Variants in ENPEP observed in about 807,000 individuals in gnomAD.
ENPEP encodes AP-A.
A neutral mutation model predicts 114.5 loss-of-function variants in ENPEP; 103 were observed. The observed-to-expected ratio is 0.90, with a 90% CI of 0.77 to 1.06. The LOEUF (loss-of-function observed/expected upper bound fraction) is 1.06. ENPEP is among the 50% of genes least tolerant of loss of function. ENPEP has a pLI of 0.00. For missense variants in ENPEP, 1,196 were observed against 1,161.3 expected (o/e 1.03, Z -0.43); for synonymous variants, 420 against 422.0 (o/e 1.00, Z 0.06).
intron 6 of ENPEP, among the ~76,000 whole-genome samples, chr4:110,511,908 C>A (rs1212532499): frequency 6.6e-6 from 1 of 152,046 alleles, no homozygotes; most frequent in Non-Finnish European, 1.5e-5. Context: ...GGACTATAGG[C>A]CCTCGCCACC....
intron 11 of ENPEP, among the ~76,000 whole-genome samples, chr4:110,537,459 G>A (rs1304642397): frequency 6.6e-6 from 1 of 152,138 alleles, no homozygotes; most frequent in Non-Finnish European, 1.5e-5. Flanking sequence ...GTTTTATCAT[G>A]AGATAGCAAC....
intron 6 of ENPEP, among the ~76,000 whole-genome samples, chr4:110,510,703 C>G (rs1256738007): frequency 6.6e-6 from 1 of 151,624 alleles, no homozygotes; most frequent in Non-Finnish European, 1.5e-5. Context: ...ATGTCGGAGT[C>G]TCATTTGTGA....
At chr4:110,505,936 C>A (rs1281658912) in intron 3 of ENPEP, among the ~76,000 whole-genome samples, 1 of 152,134 alleles carries the variant, frequency 6.6e-6, no homozygotes, top group African/African-American at 2.4e-5. Context: ...GGACAAAAAT[C>A]TGTACTTGGT....
chr4:110,529,343 G>A (rs75532151), intron 10 of ENPEP, among the ~76,000 whole-genome samples: 3,919 of 152,212 alleles, frequency 0.026, 94 homozygotes, highest in South Asian at 0.083. Context: ...GTTCTTTGTC[G>A]GTCTTCTGAG....
At chr4:110,558,031 G>GTTTTTTTT (rs1433597102) in intron 18 of ENPEP, among the ~76,000 whole-genome samples, 1 of 25,158 alleles carries the variant, frequency 4.0e-5, no homozygotes, top group Admixed American at 5.8e-4. Flanking sequence ...TATATGGTAG[G>GTTTTTTTT]ATTTTTTTTT....
chr4:110,520,297 A>C lies in ENPEP; in HGVS notation c.1658A>C (p.Lys553Thr), dbSNP rs200733220. 22 of 1,614,158 alleles carry C rather than the reference A, an allele frequency of 1.4e-5. No individual in the cohort carries two copies. In the East Asian group the frequency reaches 4.9e-4, roughly 36 times the overall value. Residue 553 changes from lysine to threonine, a missense_variant, in exon 10 of 20, where the codon AAG becomes ACG. Transcript: ENST00000265162. ...GYPVLNVNGVKNITQKRFLLD... is the reference protein window; with the variant it reads ...GYPVLNVNGVTNITQKRFLLD... Reference sequence around the variant, plus strand: ...CCTGTGCTTAACGTGAACGGTGTCAAGAACATCACACAGAAACGCTTTTTG... The same window carrying C: ...CCTGTGCTTAACGTGAACGGTGTCACGAACATCACACAGAAACGCTTTTTG...
intron 3 of ENPEP, among the ~76,000 whole-genome samples, chr4:110,493,205 G>A (rs1480392611): frequency 6.6e-6 from 1 of 152,102 alleles, no homozygotes; most frequent in Admixed American, 6.5e-5. Context: ...AGTTAGCTGG[G>A]TTCTTAGGAT....
chr4:110,529,495 G>A (rs1726321769), intron 10 of ENPEP, among the ~76,000 whole-genome samples: 1 of 152,172 alleles, frequency 6.6e-6, no homozygotes, highest in Non-Finnish European at 1.5e-5. Flanking sequence ...AGGAAGCCCA[G>A]CAAAGGTGCT....
intron 8 of ENPEP, among the ~76,000 whole-genome samples, chr4:110,518,732 G>C (rs1351061824): frequency 6.6e-6 from 1 of 152,124 alleles, no homozygotes; most frequent in East Asian, 1.9e-4. Flanking sequence ...AGGCACCCAG[G>C]TAGTTAGGGA....
At chr4:110,547,143 A>G (rs984990901) in intron 13 of ENPEP, among the ~76,000 whole-genome samples, 22 of 152,102 alleles carry the variant, frequency 1.4e-4, no homozygotes, top group Non-Finnish European at 2.9e-4. Flanking sequence ...GCCTTAGCTC[A>G]ATATAGAAGA....
chr4:110,479,380 C>G, intron 1 of ENPEP, among the ~76,000 whole-genome samples: 1 of 152,140 alleles, frequency 6.6e-6, no homozygotes, highest in East Asian at 1.9e-4. Flanking sequence ...CTTATATTGA[C>G]TATCCTTGTA....
chr4:110,476,964 G>A lies in ENPEP; in HGVS notation c.550G>A (p.Gly184Ser). The change falls in exon 1 of 20, where the codon GGC becomes AGC. Residue 184 changes from glycine (G) to serine (S), a missense_variant. Transcript: ENST00000265162. ...EEELTPSSGD[G>S]LYLLTMEFAG... ...AGAGCTTACCCCCAGCAGTGGAGAT[G>A]GCCTGTATCTCCTGACCATGGAGTT... 1 of 1,614,208 alleles carries A rather than the reference G, an allele frequency of 6.2e-7. No individual in the cohort carries two copies. Among genetic ancestry groups the A allele is most frequent in the Non-Finnish European group, 8.5e-7 (1 of 1,180,036 alleles).
chr4:110,544,095 A>G (rs977746527), intron 13 of ENPEP, among the ~76,000 whole-genome samples: 4 of 152,050 alleles, frequency 2.6e-5, no homozygotes, highest in Non-Finnish European at 1.5e-5. Flanking sequence ...ATTAAAAGTC[A>G]GAAAACCTTG....
In ENPEP at chr4:110,548,189, G is replaced by C. The variant is rs2110392944; in HGVS notation, c.2014G>C (p.Asp672His). 1 of 819,296 alleles carries C rather than the reference G, an allele frequency of 1.2e-6. No homozygotes were observed. Among genetic ancestry groups the C allele is most frequent in the South Asian group, 1.7e-5 (1 of 59,850 alleles). The allele number at this position is 819,296 out of a possible 1,614,324, so 50.8% of individuals were successfully genotyped here. Residue 672 changes from aspartate (D) to histidine (H), a missense_variant, in exon 14 of 20, where the codon GAT becomes CAT. Coordinates refer to ENST00000265162, the MANE Select transcript of ENPEP (RefSeq NM_001977.4). ...AFALARAQLL[D>H]YKVALNLTKY... The stretch of plus-strand genomic sequence containing the variant: ...TGTCTTTCTCAGAGCTCAACTTCTA[G>C]ATTATAAGGTGGCTTTGAACTTGAC...
At chr4:110,539,044 A>T (rs1726750941) in intron 11 of ENPEP, among the ~76,000 whole-genome samples, 1 of 152,202 alleles carries the variant, frequency 6.6e-6, no homozygotes, top group African/African-American at 2.4e-5. Context: ...CTGATCACAG[A>T]TCACCCTAAC....
At chr4:110,536,683 A>G (rs137917833) in intron 11 of ENPEP, among the ~76,000 whole-genome samples, 213 of 152,212 alleles carry the variant, frequency 1.4e-3, no homozygotes, top group African/African-American at 4.9e-3. Flanking sequence ...ACCTACTTCC[A>G]TGGGCACACT....
At chr4:110,561,336 T>C in intron 19 of ENPEP, 70 bp from the exon 20 acceptor site, 1 of 1,529,808 alleles carries the variant, frequency 6.5e-7, no homozygotes, top group Admixed American at 1.8e-5. Flanking sequence ...AAATCCAGTT[T>C]GTGAATGAAA....
rs868625801 is a variant in ENPEP, at chr4:110,535,784, C to T, written c.1807+4507C>T. On this transcript the variant is annotated intron_variant, in intron 11 of 19. Coordinates refer to ENST00000265162, the MANE Select transcript of ENPEP (RefSeq NM_001977.4). ...GGTGGATCGCCTGAGGTCGGGAGTT[C>T]GAGACCAGCCTGACCAACATAGAGA... 3.3e-5 allele frequency among the ~76,000 whole-genome samples: 5 copies of T among 152,130 alleles called. No individual in the cohort carries two copies. The East Asian group carries it at 5.8e-4, about 18-fold the overall frequency.
rs952385908 is a variant in ENPEP at position 110,476,687 on chromosome 4, T to C, written c.273T>C (p.Phe91=). The part of the protein sequence containing the change: ...SEDESGQWKN[F]RLPDFVNPVH... ...ATGAGAGCGGACAGTGGAAAAACTT[T>C]CGACTGCCGGACTTCGTCAACCCAG... The change falls in exon 1 of 20, where the codon TTT becomes TTC. Residue 91 remains phenylalanine (F), a synonymous_variant. Transcript: ENST00000265162. The C allele has an allele frequency of 3.7e-6, 6 of 1,613,622 alleles. No individual in the cohort carries two copies. In the African/African-American group the frequency reaches 6.7e-5, roughly 18 times the overall value.
Sources: allele counts gnomAD v4.1 joint callset (sites outside exome capture counted in the v4.1 genomes callset), GRCh38; gene constraint gnomAD v4.1.1; transcripts MANE v1.5; gene names NCBI Gene and HGNC (gene_info 2026-07-23, HGNC 2026-07-21).